LARP4: variants seen among roughly 807,000 people sequenced by gnomAD.
LARP4 encodes la-related protein 4.
In LARP4, 29 loss-of-function variants were observed where a neutral mutation model predicts 92.9. That is an observed-to-expected ratio of 0.31 (90% CI 0.23 to 0.43). The LOEUF is 0.43. LARP4 is among the 20% of genes least tolerant of loss of function. The pLI, the probability that LARP4 is intolerant of heterozygous loss-of-function variation, is 1.00. For synonymous variants in LARP4, 279 were observed against 284.1 expected (o/e 0.98, Z 0.18); for missense variants, 732 against 860.0 (o/e 0.85, Z 1.86).
At chr12:50,425,853 TA>T (rs968400310) in intron 1 of LARP4, among the ~76,000 whole-genome samples, 2 of 152,036 alleles carry the variant, frequency 1.3e-5, no homozygotes, top group African/African-American at 4.8e-5. Flanking sequence ...CAGGGAGAAA[TA>T]AGTAAGTTCC....
intron 14 of LARP4, 48 bp from the exon 15 acceptor site, chr12:50,473,951 G>T (rs770966172): frequency 1.3e-6 from 2 of 1,515,418 alleles, no homozygotes; most frequent in Admixed American, 1.9e-5. Context: ...TTGCTCAACT[G>T]TTCCTATATG....
At chr12:50,406,297 CCCCCCA>C (rs1944819893) in intron 1 of LARP4, among the ~76,000 whole-genome samples, 1 of 150,078 alleles carries the variant, frequency 6.7e-6, no homozygotes, top group African/African-American at 2.5e-5. Flanking sequence ...AAGTTAGACA[CCCCCCA>C]CCCCCACCCC....
rs1307218912 is a variant in LARP4, at chr12:50,479,986, AT to A, written c.*4123del. 1 of 152,382 alleles carries A rather than the reference AT, an allele frequency of 6.6e-6. No individual in the cohort carries two copies. The highest frequency in any genetic ancestry group is 2.1e-4 in the South Asian group (1 of 4,832). The allele number at this position is 152,382 out of a possible 1,614,324, so 9.4% of individuals were successfully genotyped here. A position where few individuals can be genotyped will look rare whatever the true frequency, so the allele number is the denominator to read the frequency against. ...GGAAATTAACAAAATTAGAAAAAAA[AT>A]AAAATTATTAAAAAGCAGGACTGGT... On this transcript the variant is annotated 3_prime_UTR_variant, in exon 16 of 16. Transcript: ENST00000398473.
chr12:50,425,226 C>CT (rs1432873077), intron 1 of LARP4, among the ~76,000 whole-genome samples: 1 of 152,214 alleles, frequency 6.6e-6, no homozygotes, highest in African/African-American at 2.4e-5. Flanking sequence ...CATAGCAACT[C>CT]TATGAGTAAG....
At chr12:50,464,297 G>A (rs1955854622) in intron 12 of LARP4, among the ~76,000 whole-genome samples, 2 of 152,352 alleles carry the variant, frequency 1.3e-5, no homozygotes, top group South Asian at 4.1e-4. Context: ...CATGGCTGAA[G>A]GCAAATGGGG....
intron 14 of LARP4, among the ~76,000 whole-genome samples, 184 bp from the exon 15 acceptor site, chr12:50,473,814 TG>T (rs1191247709): frequency 1.0e-3 from 9 of 8,730 alleles, no homozygotes; most frequent in Middle Eastern, 0.1. Context: ...GGTGGGGGGG[TG>T]GGGGGGGTGG....
chr12:50,446,371 C>CCCCCCCCT (rs1952093006), intron 8 of LARP4, among the ~76,000 whole-genome samples: 1 of 2,770 alleles, frequency 3.6e-4, no homozygotes, highest in African/African-American at 2.2e-3. Flanking sequence ...CTCTCTCTCT[C>CCCCCCCCT]TCTCTCTCTC....
intron 13 of LARP4, among the ~76,000 whole-genome samples, chr12:50,468,804 T>C (rs1956520113): frequency 6.6e-6 from 1 of 152,160 alleles, no homozygotes; most frequent in South Asian, 2.1e-4. Flanking sequence ...GTAAAAGATG[T>C]TGCTAGTTAT....
chr12:50,473,620 C>T (rs541236127), intron 14 of LARP4, 84 bp downstream of exon 14: 386 of 1,431,014 alleles, frequency 2.7e-4, no homozygotes, highest in Non-Finnish European at 2.7e-4. Context: ...AATCCCAGCA[C>T]TTTGGGAGGC....
intron 10 of LARP4, among the ~76,000 whole-genome samples, chr12:50,456,307 T>C (rs1022662956): frequency 2.6e-5 from 4 of 152,192 alleles, no homozygotes; most frequent in African/African-American, 9.7e-5. Flanking sequence ...TTAAAACCAC[T>C]TGTGTACAGT....
intron 1 of LARP4, chr12:50,415,939 T>C (rs1178834990): frequency 6.6e-6 from 1 of 151,778 alleles, no homozygotes; most frequent in Non-Finnish European, 1.5e-5. Flanking sequence ...ACTCCTAAGC[T>C]CAAGTGATCC....
intron 1 of LARP4, among the ~76,000 whole-genome samples, chr12:50,404,195 C>G (rs1944380963): frequency 6.6e-6 from 1 of 152,046 alleles, no homozygotes; most frequent in Non-Finnish European, 1.5e-5. Context: ...CCACTACACT[C>G]CAGCCTGGAC....
intron 4 of LARP4, among the ~76,000 whole-genome samples, chr12:50,431,840 A>G (rs1008324494): frequency 1.3e-5 from 2 of 151,836 alleles, no homozygotes; most frequent in Non-Finnish European, 2.9e-5. Flanking sequence ...GCGAAATTCC[A>G]CCTCAAAAAC....
Position 50,429,020 on chromosome 12 carries a change from C to T in LARP4, c.252C>T (p.Gly84=), listed in dbSNP as rs1405075437. ...SSCETTRNTT[G]IEESTDGMIL... ...GTGAAACCACAAGAAATACTACAGG[C>T]ATTGAAGAATCAACTGATGGGATGA... The change falls in exon 3 of 16, where the codon GGC becomes GGT. Residue 84 remains glycine (G), a synonymous_variant. Coordinates refer to ENST00000398473, the MANE Select transcript of LARP4 (RefSeq NM_052879.5). 1 of 1,609,746 alleles carries T rather than the reference C, an allele frequency of 6.2e-7. No homozygotes were observed. The highest frequency in any genetic ancestry group is 1.3e-5 in the African/African-American group (1 of 74,802).
intron 14 of LARP4, 117 bp from the exon 15 acceptor site, chr12:50,473,882 C>A (rs370860395): frequency 2.6e-6 from 2 of 772,000 alleles, no homozygotes; most frequent in South Asian, 1.8e-5. Flanking sequence ...TACACTCCAG[C>A]CTGGGTGACA....
intron 8 of LARP4, among the ~76,000 whole-genome samples, chr12:50,449,050 G>GC (rs1052356128): frequency 6.6e-6 from 1 of 151,544 alleles, no homozygotes; most frequent in African/African-American, 2.4e-5. Context: ...GACCAGCATG[G>GC]CCAACATGGT....
intron 9 of LARP4, 142 bp downstream of exon 9, chr12:50,453,814 G>C (rs374329608): frequency 3.4e-6 from 2 of 593,258 alleles, no homozygotes; most frequent in African/African-American, 3.8e-5. Context: ...TGTATTTTTC[G>C]TAGAGATGGA....
intron 1 of LARP4, among the ~76,000 whole-genome samples, chr12:50,408,482 C>T (rs559600899): frequency 5.3e-5 from 8 of 152,138 alleles, no homozygotes; most frequent in African/African-American, 1.9e-4. Context: ...CAGGCATGAG[C>T]CACCGCACCC....
At chr12:50,438,965 T>C (rs1239594338) in intron 6 of LARP4, among the ~76,000 whole-genome samples, 2 of 152,164 alleles carry the variant, frequency 1.3e-5, no homozygotes, top group East Asian at 3.8e-4. Context: ...TGAGACAGGG[T>C]TTCAGTCTGT....
Sources: gnomAD v4.1 joint callset for allele counts (sites outside exome capture counted in the v4.1 genomes callset) on GRCh38, gnomAD v4.1.1 for gene constraint, MANE v1.5 for transcripts, NCBI Gene and HGNC (gene_info 2026-07-23, HGNC 2026-07-21) for gene names.